PCLO: variants seen among roughly 807,000 people sequenced by gnomAD.
PCLO encodes protein piccolo.
Under a neutral mutation model 427.5 loss-of-function variants are expected in PCLO, and 82 were observed. The observed-to-expected ratio is 0.19, with a 90% CI of 0.16 to 0.23. The LOEUF is 0.23. Among genes scored for constraint, PCLO ranks in the 10% least tolerant of loss-of-function variants. The pLI is 1.00. For synonymous variants in PCLO, 2,357 were observed against 2,155.4 expected, an observed-to-expected ratio of 1.09 and a Z score of -2.59; for missense variants, 6,239 against 6,115.9, an observed-to-expected ratio of 1.02 and a Z score of -0.67.
intron 3 of PCLO, among the ~76,000 whole-genome samples, chr7:83,023,933 C>A (rs6977045): frequency 0.072 from 10,964 of 152,134 alleles, 532 homozygotes; most frequent in Non-Finnish European, 0.1. Flanking sequence ...GAATGCATAC[C>A]AAACAAAATT....
intron 22 of PCLO, among the ~76,000 whole-genome samples, chr7:82,781,653 T>C (rs2158220): frequency 0.59 from 89,400 of 152,028 alleles, 27,049 homozygotes; most frequent in East Asian, 0.83. Flanking sequence ...TGTGTGAGGC[T>C]TCAGGGGCAG....
At chr7:83,037,447 T>C (rs1265258573) in intron 3 of PCLO, among the ~76,000 whole-genome samples, 3 of 151,990 alleles carry the variant, frequency 2.0e-5, no homozygotes, top group Non-Finnish European at 4.4e-5. Context: ...GTTTGTTAGA[T>C]TTTTACTGGA....
chr7:82,799,588 C>G (rs10272463), intron 22 of PCLO, among the ~76,000 whole-genome samples: 54,861 of 151,932 alleles, frequency 0.36, 10,488 homozygotes, highest in African/African-American at 0.46. Context: ...TCTCTTCCTT[C>G]CTTTCTTCTC....
chr7:83,036,514 T>C (rs10274504), intron 3 of PCLO, among the ~76,000 whole-genome samples: 22,354 of 152,078 alleles, frequency 0.15, 1,754 homozygotes, highest in African/African-American at 0.17. Context: ...AACCTTTCTT[T>C]TGCCTGCTTT....
chr7:83,048,570 C>A (rs1245470295), intron 3 of PCLO, among the ~76,000 whole-genome samples: 1 of 152,132 alleles, frequency 6.6e-6, no homozygotes, highest in Admixed American at 6.6e-5. Context: ...TCTTTCCCCC[C>A]AACTCCACAC....
At chr7:83,020,360 A>G (rs1435794711) in intron 3 of PCLO, among the ~76,000 whole-genome samples, 9 of 151,892 alleles carry the variant, frequency 5.9e-5, no homozygotes, top group African/African-American at 1.7e-4. Flanking sequence ...ACCTCTCCCA[A>G]TTTAAGTGTG....
Position 82,954,722 on chromosome 7 carries a change from T to A in PCLO, c.6231A>T (p.Thr2077=). The A allele has an allele frequency of 6.2e-7, 1 of 1,613,884 alleles. No homozygotes were observed. The highest frequency in any genetic ancestry group is 8.5e-7 in the Non-Finnish European group (1 of 1,179,844). Reference sequence around the variant, plus strand: ...GGGCCTGGGTTGGGCTAGATCCAGGTGTTAATTGCATCTGTTGCCTCTTCA... The same window carrying A: ...GGGCCTGGGTTGGGCTAGATCCAGGAGTTAATTGCATCTGTTGCCTCTTCA... ...ELMKRQQMQL[T]PGSSPTQAPI... is the part of the protein sequence containing the mutation. The change falls in exon 5 of 25, where the codon ACA becomes ACT. Residue 2077 remains threonine (T), a synonymous_variant. Transcript: ENST00000333891.
At chr7:82,785,830 G>A (rs1426774062) in intron 22 of PCLO, among the ~76,000 whole-genome samples, 2 of 152,150 alleles carry the variant, frequency 1.3e-5, no homozygotes, top group African/African-American at 4.8e-5. Context: ...CTGTGTGGAA[G>A]ACTCAACACA....
At chr7:82,819,089 C>T (rs2715147) in intron 20 of PCLO, among the ~76,000 whole-genome samples, 86,436 of 151,908 alleles carry the variant, frequency 0.57, 25,604 homozygotes, top group East Asian at 0.85. Context: ...GTATGTTTGC[C>T]TGAAGTGCCT....
intron 3 of PCLO, among the ~76,000 whole-genome samples, chr7:83,133,839 T>C (rs1791636988): frequency 6.6e-6 from 1 of 152,004 alleles, no homozygotes; most frequent in South Asian, 2.1e-4. Context: ...CTGGAAGGAT[T>C]AGAGATGGGA....
intron 22 of PCLO, among the ~76,000 whole-genome samples, chr7:82,787,423 T>A (rs1253772890): frequency 1.3e-5 from 2 of 152,194 alleles, no homozygotes; most frequent in African/African-American, 4.8e-5. Context: ...AGCAGGTTTT[T>A]AAATAACTCA....
At chr7:83,106,603 T>G (rs1178688108) in intron 3 of PCLO, among the ~76,000 whole-genome samples, 2 of 152,198 alleles carry the variant, frequency 1.3e-5, no homozygotes, top group Non-Finnish European at 2.9e-5. Flanking sequence ...TGTCATGCCA[T>G]TCTTTTAAAA....
intron 24 of PCLO, among the ~76,000 whole-genome samples, chr7:82,759,732 AT>A (rs919280755): frequency 3.4e-4 from 52 of 151,432 alleles, no homozygotes; most frequent in Non-Finnish European, 7.4e-5. Flanking sequence ...CTCTTCCTAT[AT>A]TTTTTTCTCT....
At position 82,810,951 on chromosome 7, in the gene PCLO, C is replaced by T. The variant is rs141727194; in HGVS notation, c.14792-5122G>A. ...GAAATTTAAAAGGCAAGGTCTCTGC[C>T]TATCCTACTAAATTCCAAAAAATTA... On this transcript the variant is annotated intron_variant, in intron 20 of 24. Coordinates refer to ENST00000333891, the MANE Select transcript of PCLO (RefSeq NM_033026.6). Among the ~76,000 whole-genome samples, 539 of 151,772 alleles carry T rather than the reference C, an allele frequency of 3.6e-3. 3 individuals carry two copies. Among genetic ancestry groups the T allele is most frequent in the African/African-American group, 0.012 (505 of 41,514 alleles).
chr7:83,060,686 G>T (rs1789521678), intron 3 of PCLO, among the ~76,000 whole-genome samples: 1 of 152,198 alleles, frequency 6.6e-6, no homozygotes, highest in Non-Finnish European at 1.5e-5. Flanking sequence ...GTGTATAAAA[G>T]TCACTGGTGG....
At chr7:83,118,325 T>C (rs1169491513) in intron 3 of PCLO, among the ~76,000 whole-genome samples, 1 of 152,118 alleles carries the variant, frequency 6.6e-6, no homozygotes, top group Non-Finnish European at 1.5e-5. Context: ...ATCATCTCCA[T>C]GCAGGAACAC....
At chr7:82,824,704 A>G (rs746774808) in intron 18 of PCLO, among the ~76,000 whole-genome samples, 21 of 151,544 alleles carry the variant, frequency 1.4e-4, no homozygotes, top group Admixed American at 2.6e-4. Context: ...TCACAAGTCA[A>G]TCTGTTCATA....
At chr7:82,771,401 TA>T (rs984089507) in intron 22 of PCLO, among the ~76,000 whole-genome samples, 31 of 151,452 alleles carry the variant, frequency 2.0e-4, no homozygotes, top group African/African-American at 5.3e-4. Flanking sequence ...GGTTTTCAAG[TA>T]AAAAAAAATT....
chr7:83,097,415 G>A (rs1266707649), intron 3 of PCLO, among the ~76,000 whole-genome samples: 12 of 145,400 alleles, frequency 8.3e-5, no homozygotes, highest in Non-Finnish European at 1.2e-4. Flanking sequence ...CCAGCTACTC[G>A]GGAGGCTGAG....
Sources: gnomAD v4.1 joint callset for allele counts (sites outside exome capture counted in the v4.1 genomes callset) on GRCh38, gnomAD v4.1.1 for gene constraint, MANE v1.5 for transcripts, NCBI Gene and HGNC (gene_info 2026-07-23, HGNC 2026-07-21) for gene names.